BUB1B: variants seen among roughly 807,000 people sequenced by gnomAD.
BUB1B encodes mitotic checkpoint serine/threonine-protein kinase BUB1 beta.
Under a neutral mutation model 137.7 loss-of-function variants are expected in BUB1B, and 86 were observed. That is an observed-to-expected ratio of 0.62 (90% CI 0.52 to 0.75). The LOEUF is 0.75. BUB1B is among the 30% of genes least tolerant of loss of function. The pLI is 0.00. For synonymous variants in BUB1B, 420 were observed against 417.9 expected (o/e 1.00, Z -0.06); for missense variants, 1,130 against 1,236.9 (o/e 0.91, Z 1.30).
intron 16 of BUB1B, 95 bp from the exon 17 acceptor site, chr15:40,209,540 C>A: frequency 1.4e-6 from 2 of 1,463,164 alleles, no homozygotes; most frequent in Non-Finnish European, 9.5e-7. Flanking sequence ...ACTGTGTAAT[C>A]TTGATTTTTT....
Position 40,217,679 on chromosome 15 carries a change from A to G in BUB1B, c.2850+12A>G. 6.2e-7 allele frequency: 1 copy of G among 1,614,138 alleles called. No homozygotes were observed. Among genetic ancestry groups the G allele is most frequent in the Non-Finnish European group, 8.5e-7 (1 of 1,179,978 alleles). On this transcript the variant is annotated intron_variant, in intron 21 of 22. Coordinates refer to ENST00000287598, the MANE Select transcript of BUB1B (RefSeq NM_001211.6). The stretch of plus-strand genomic sequence containing the variant: ...CTTCTCCCTACCAGGTAAGTGTAAA[A>G]CAAGCCTGAGCAAATATGGAGAGGG...
chr15:40,215,226 C>A (rs1306921702), intron 20 of BUB1B, among the ~76,000 whole-genome samples: 1 of 152,176 alleles, frequency 6.6e-6, no homozygotes. Context: ...TCAATCCCAG[C>A]ACTTTTGGAG....
intron 14 of BUB1B, among the ~76,000 whole-genome samples, chr15:40,205,092 G>A (rs934909910): frequency 9.2e-5 from 14 of 151,494 alleles, no homozygotes; most frequent in Admixed American, 6.6e-4. Flanking sequence ...GATTACAGGC[G>A]CCCACCACCA....
chr15:40,161,470 G>A (rs1361067670), intron 1 of BUB1B, among the ~76,000 whole-genome samples: 1 of 152,190 alleles, frequency 6.6e-6, no homozygotes, highest in Non-Finnish European at 1.5e-5. Context: ...CAGCTTCAAA[G>A]CGAAGAAGGC....
chr15:40,205,417 A>C (rs1277237950), intron 14 of BUB1B, among the ~76,000 whole-genome samples: 1 of 152,208 alleles, frequency 6.6e-6, no homozygotes, highest in South Asian at 2.1e-4. Flanking sequence ...ACAGGTAAAT[A>C]TGTAAAGTGG....
chr15:40,162,737 A>T (rs1377072204), intron 1 of BUB1B, among the ~76,000 whole-genome samples: 1 of 152,098 alleles, frequency 6.6e-6, no homozygotes, highest in Non-Finnish European at 1.5e-5. Context: ...GTCTGGGAGG[A>T]AGTGGGGGCA....
At position 40,165,117 on chromosome 15, in the gene BUB1B, C is replaced by T; in HGVS notation, c.100C>T (p.Gln34Ter). The T allele has an allele frequency of 1.9e-6, 3 of 1,614,146 alleles. No homozygotes were observed. The highest frequency in any genetic ancestry group is 2.5e-6 in the Non-Finnish European group (3 of 1,180,028). The stretch of plus-strand genomic sequence containing the variant: ...TAAAGAAAATGTACAACCTTTAAGG[C>T]AAGGGCGGATCATGTCCACGCTTCA... The part of the protein sequence containing the change: ...LSKENVQPLR[Q>*]GRIMSTLQGA... Residue 34 changes from glutamine to a stop codon, truncating the protein, a stop_gained, in exon 2 of 23, where the codon CAA becomes TAA. Coordinates refer to ENST00000287598, the MANE Select transcript of BUB1B (RefSeq NM_001211.6). LOFTEE classifies it high-confidence loss of function.
chr15:40,215,913 CT>C (rs1435473609), intron 20 of BUB1B, among the ~76,000 whole-genome samples: 1 of 151,974 alleles, frequency 6.6e-6, no homozygotes, highest in Non-Finnish European at 1.5e-5. Context: ...GACCCTGTCT[CT>C]ACAAAAATAA....
intron 5 of BUB1B, among the ~76,000 whole-genome samples, chr15:40,181,184 C>T (rs1040287687): frequency 4.0e-4 from 60 of 151,382 alleles, no homozygotes; most frequent in African/African-American, 1.4e-3. Flanking sequence ...CTCCACCTCC[C>T]GGGTTCAAGT....
chr15:40,190,151 T>C (rs985115420), intron 8 of BUB1B, among the ~76,000 whole-genome samples: 1 of 152,256 alleles, frequency 6.6e-6, no homozygotes, highest in Non-Finnish European at 1.5e-5. Flanking sequence ...ATGTTTTATC[T>C]TATACATGCA....
intron 14 of BUB1B, 69 bp from the exon 15 acceptor site, chr15:40,206,115 C>A: frequency 6.7e-7 from 1 of 1,494,630 alleles, no homozygotes; most frequent in Non-Finnish European, 9.3e-7. Flanking sequence ...GCTAATATGT[C>A]TCTCTCAGTA....
chr15:40,212,383 T>C (rs2140907615), intron 18 of BUB1B, 116 bp from the exon 19 acceptor site: 1 of 819,414 alleles, frequency 1.2e-6, no homozygotes, highest in East Asian at 2.5e-5. Flanking sequence ...ATTTATGCCT[T>C]TAAAAATATC....
At chr15:40,180,723 C>G (rs1758340198) in intron 5 of BUB1B, among the ~76,000 whole-genome samples, 1 of 141,728 alleles carries the variant, frequency 7.1e-6, no homozygotes, top group Non-Finnish European at 1.5e-5. Context: ...AATCTCGGCT[C>G]ACTGCAAGCT....
Position 40,208,622 on chromosome 15 carries a change from T to G in BUB1B, c.2010-15T>G. 1 of 1,605,298 alleles carries G rather than the reference T, an allele frequency of 6.2e-7. No homozygotes were observed. Among genetic ancestry groups the G allele is most frequent in the Non-Finnish European group, 8.5e-7 (1 of 1,172,386 alleles). On this transcript the variant is annotated splice_polypyrimidine_tract_variant and intron_variant, in intron 15 of 22. Coordinates refer to ENST00000287598, the MANE Select transcript of BUB1B (RefSeq NM_001211.6). ...ATTATTCCTATAAGAATTAACTTAT[T>G]TTTGATTCTTTTAGCCCAATTATTG...
intron 1 of BUB1B, among the ~76,000 whole-genome samples, chr15:40,162,057 T>TA (rs1397950290): frequency 2.6e-5 from 4 of 151,828 alleles, no homozygotes; most frequent in Non-Finnish European, 5.9e-5. Context: ...TGGTCAGTAC[T>TA]AAAAAAAATA....
At chr15:40,171,620 A>G (rs28637656) in intron 4 of BUB1B, among the ~76,000 whole-genome samples, 8,414 of 152,248 alleles carry the variant, frequency 0.055, 764 homozygotes, top group African/African-American at 0.19. Flanking sequence ...AGGAGCTAAC[A>G]TTTGGCAGCA....
At chr15:40,170,148 A>G (rs370352952) in intron 3 of BUB1B, 27 bp downstream of exon 3, 14 of 1,589,810 alleles carry the variant, frequency 8.8e-6, no homozygotes, top group Non-Finnish European at 1.2e-5. Context: ...CACAAGGACA[A>G]TAGAAACATT....
chr15:40,203,534 G>T (rs1379655275), intron 14 of BUB1B, among the ~76,000 whole-genome samples: 1 of 152,104 alleles, frequency 6.6e-6, no homozygotes, highest in African/African-American at 2.4e-5. Flanking sequence ...CAATTTTATG[G>T]TATATGAATT....
chr15:40,200,901 G>A, intron 11 of BUB1B, 30 bp from the exon 12 acceptor site: 1 of 1,606,586 alleles, frequency 6.2e-7, no homozygotes, highest in Non-Finnish European at 8.5e-7. Flanking sequence ...TGGGTATTGA[G>A]CACATGATTT....
Sources: allele counts gnomAD v4.1 joint callset (sites outside exome capture counted in the v4.1 genomes callset), GRCh38; gene constraint gnomAD v4.1.1; transcripts MANE v1.5; gene names NCBI Gene and HGNC (gene_info 2026-07-23, HGNC 2026-07-21).